Variants in TTN observed in about 807,000 individuals in gnomAD.
The protein encoded by TTN is connectin.
In TTN, 1,525 loss-of-function variants were observed where a neutral mutation model predicts 3,223.0. The observed-to-expected ratio is 0.47, with a 90% CI of 0.45 to 0.49. The LOEUF (loss-of-function observed/expected upper bound fraction) is 0.49. Ranked by LOEUF, TTN falls within the 20% of genes least tolerant of loss-of-function variation. The probability of loss-of-function intolerance (pLI) is 0.00; values close to 1 mark genes in which losing one functional copy is unlikely to be tolerated. For missense variants in TTN, 40,786 were observed against 43,424.0 expected (o/e 0.94, Z 5.40); for synonymous variants, 14,094 against 15,161.0 (o/e 0.93, Z 5.17).
intron 88 of TTN, among the ~76,000 whole-genome samples, chr2:178,716,084 G>GT (rs1560618933): frequency 6.6e-6 from 1 of 152,142 alleles, no homozygotes; most frequent in Non-Finnish European, 1.5e-5. Flanking sequence ...ATAATAGCAT[G>GT]TATCTGTCAG....
chr2:178,747,193 A>G, intron 47 of TTN: 1 of 1,597,062 alleles, frequency 6.3e-7, no homozygotes, highest in East Asian at 2.3e-5. Flanking sequence ...ATCTCTCTAG[A>G]GTCTCTCCTG....
At chr2:178,667,198 A>G in intron 162 of TTN, 38 bp downstream of exon 162, 1 of 1,507,520 alleles carries the variant, frequency 6.6e-7, no homozygotes, top group Non-Finnish European at 9.0e-7. Flanking sequence ...AAGACAGTAT[A>G]TTTTCTTCTT....
At position 178,702,086 on chromosome 2, in the gene TTN, T is replaced by G; in HGVS notation, c.30512-20A>C. On this transcript the variant is annotated intron_variant, in intron 108 of 362. Transcript: ENST00000589042. The stretch of plus-strand genomic sequence containing the variant: ...TGATTTCTGCAAAATAAAAAAAAAA[T>G]GATATTTTTGTGTTCAGAATGGTAT... 1 of 1,606,246 alleles carries G rather than the reference T, an allele frequency of 6.2e-7. No homozygotes were observed. Among genetic ancestry groups the G allele is most frequent in the Non-Finnish European group, 8.5e-7 (1 of 1,177,108 alleles).
intron 127 of TTN, among the ~76,000 whole-genome samples, chr2:178,687,854 A>G (rs2071311418): frequency 6.6e-6 from 1 of 152,190 alleles, no homozygotes. Context: ...GATTAATTAT[A>G]TATAAATATG....
chr2:178,681,265 A>G, intron 137 of TTN, 94 bp from the exon 138 acceptor site: 1 of 1,441,974 alleles, frequency 6.9e-7, no homozygotes. Context: ...AAGAATCAGG[A>G]CAAGAACATC....
rs587780495 is a variant in TTN, at chr2:178,539,459, C to T, written c.98606G>A (p.Arg32869His). 45 of 1,613,844 alleles carry T rather than the reference C, an allele frequency of 2.8e-5. No homozygotes were observed. Among genetic ancestry groups the T allele is most frequent in the Middle Eastern group, 3.3e-4 (2 of 6,058 alleles). The change falls in exon 352 of 363, where the codon CGT (arginine) becomes CAT (histidine). Residue 32869 changes from arginine (R) to histidine (H), a missense_variant. By Grantham distance (29) the Arg-to-His change is conservative. Coordinates refer to ENST00000589042, the MANE Select transcript of TTN (RefSeq NM_001267550.2). Reference protein sequence around the residue: ...GLKENVEYHFRVSAENQFGIS... With the variant: ...GLKENVEYHFHVSAENQFGIS... ...GCCAAACTGGTTTTCTGCTGAAACA[C>T]GGAAATGGTATTCTACATTCTCTTT...
At position 178,700,437 on chromosome 2, in the gene TTN, A is replaced by AT. The variant is rs149278641; in HGVS notation, c.30682+682dup. On this transcript the variant is annotated intron_variant, in intron 111 of 362. Coordinates refer to ENST00000589042, the MANE Select transcript of TTN (RefSeq NM_001267550.2). Reference sequence around the variant, plus strand: ...GAAAAATGTGATTTTGACATACAGAATTTTTTCTGACCATGCTGGGAGAAT... The same window carrying AT: ...GAAAAATGTGATTTTGACATACAGAATTTTTTTCTGACCATGCTGGGAGAAT... Among the ~76,000 whole-genome samples, 623 of 152,266 alleles carry AT rather than the reference A, an allele frequency of 4.1e-3. 3 individuals carry two copies. The highest frequency in any genetic ancestry group is 0.014 in the African/African-American group (594 of 41,560).
At position 178,618,564 on chromosome 2, in the gene TTN, TGA is replaced by T; in HGVS notation, c.46966+18_46966+19del. The T allele has an allele frequency of 6.2e-7, 1 of 1,608,562 alleles. No individual in the cohort carries two copies. Among genetic ancestry groups the T allele is most frequent in the Admixed American group, 1.7e-5 (1 of 58,924 alleles). On this transcript the variant is annotated intron_variant, in intron 251 of 362. Coordinates refer to ENST00000589042, the MANE Select transcript of TTN (RefSeq NM_001267550.2). ...TAAATTGTGCTTTGCCAATTAAGTCTGAGAGACCCAAGGGCTTACCAATAACT... is the reference window on the plus strand; with the variant it reads ...TAAATTGTGCTTTGCCAATTAAGTCTGAGACCCAAGGGCTTACCAATAACT...
intron 6 of TTN, 82 bp downstream of exon 6, chr2:178,799,405 C>A (rs1353483938): frequency 9.3e-6 from 15 of 1,605,570 alleles, no homozygotes; most frequent in Non-Finnish European, 1.2e-5. Flanking sequence ...GCATGCCCTG[C>A]GAGGGGGACA....
Position 178,620,470 on chromosome 2 carries a change from C to T in TTN, c.46051G>A (p.Val15351Ile). 4 of 1,612,412 alleles carry T rather than the reference C, an allele frequency of 2.5e-6. No homozygotes were observed. Among genetic ancestry groups the T allele is most frequent in the Non-Finnish European group, 2.5e-6 (3 of 1,178,972 alleles). ...VPFDNRVSYR[V>I]DKYKHMLTIK... ...GTTAACATGTGCTTGTACTTATCAA[C>T]TCTGTATGAGACACGGTTGTCAAAA... Residue 15351 changes from valine to isoleucine, a missense_variant, in exon 248 of 363, where the codon GTT becomes ATT. By Grantham distance (29) the Val-to-Ile change is conservative (BLOSUM62 3). Coordinates refer to ENST00000589042, the MANE Select transcript of TTN (RefSeq NM_001267550.2).
rs761837150 is a variant in TTN, at chr2:178,537,873, T to C, written c.99334A>G (p.Thr33112Ala). The C allele has an allele frequency of 6.2e-7, 1 of 1,613,268 alleles. No individual in the cohort carries two copies. The highest frequency in any genetic ancestry group is 1.1e-5 in the South Asian group (1 of 91,022). ...AGTTGAGCAGCTTCACCCAATTTTG[T>C]GGTAACATCCTTCATTTCTTTGCGT... ...GIRKEMKDVT[T>A]KLGEAAQLSC... Residue 33112 changes from threonine (T) to alanine (A), a missense_variant, in exon 355 of 363, where the codon ACA becomes GCA. Thr to Ala is a moderately conservative substitution (Grantham distance 58). Coordinates refer to ENST00000589042, the MANE Select transcript of TTN (RefSeq NM_001267550.2).
Position 178,617,467 on chromosome 2 carries a change from T to A in TTN, c.47618A>T (p.Gln15873Leu). Residue 15873 changes from glutamine (Q) to leucine (L), a missense_variant, in exon 254 of 363, where the codon CAG becomes CTG. By Grantham distance (113) the Gln-to-Leu change is moderately radical (BLOSUM62 -2). Coordinates refer to ENST00000589042, the MANE Select transcript of TTN (RefSeq NM_001267550.2). ...PVNLTSSDQTQSSVQLKWEPP... is the reference protein window; with the variant it reads ...PVNLTSSDQTLSSVQLKWEPP... The stretch of plus-strand genomic sequence containing the variant: ...TTCCCATTTGAGCTGAACTGATGAC[T>A]GAGTCTGATCTGAGGAAGTTAGGTT... 1 of 1,599,772 alleles carries A rather than the reference T, an allele frequency of 6.3e-7. No individual in the cohort carries two copies. Among genetic ancestry groups the A allele is most frequent in the Admixed American group, 1.8e-5 (1 of 56,586 alleles).
Position 178,769,869 on chromosome 2 carries a change from C to T in TTN, c.8712G>A (p.Glu2904=), listed in dbSNP as rs1227129225. The change falls in exon 37 of 363, where the codon GAG becomes GAA. Residue 2904 remains glutamate, a synonymous_variant. Coordinates refer to ENST00000589042, the MANE Select transcript of TTN (RefSeq NM_001267550.2). ...PETKTASFEC[E]VSHFNVPSMW... ...TGGAAGGGACATTGAAGTGGGACAC[C>T]TCACACTCAAAAGAGGCAGTTTTGG... 1.2e-6 allele frequency: 2 copies of T among 1,614,038 alleles called. No individual in the cohort carries two copies. The highest frequency in any genetic ancestry group is 2.2e-5 in the East Asian group (1 of 44,872).
chr2:178,553,853 T>G, intron 333 of TTN, 46 bp from the exon 334 acceptor site: 1 of 1,561,470 alleles, frequency 6.4e-7, no homozygotes, highest in Non-Finnish European at 8.7e-7. Flanking sequence ...TCATGTACAA[T>G]TTAGTCACAC....
intron 6 of TTN, among the ~76,000 whole-genome samples, chr2:178,796,330 T>G (rs982092774): frequency 8.5e-5 from 13 of 152,222 alleles, no homozygotes; most frequent in African/African-American, 2.9e-4. Context: ...TAAATGCATC[T>G]TGTCACTATC....
chr2:178,587,348 G>A lies in TTN; in HGVS notation c.63863C>T (p.Ala21288Val), dbSNP rs2049247544. The A allele has an allele frequency of 6.2e-7, 1 of 1,612,478 alleles. No individual in the cohort carries two copies. The highest frequency in any genetic ancestry group is 8.5e-7 in the Non-Finnish European group (1 of 1,179,274). ...VTKTSCHVSW[A>V]PPENDGGSQV... is the part of the protein sequence containing the mutation. Reference sequence around the variant, plus strand: ...GCTCCCACCGTCGTTTTCAGGAGGGGCCCAGGACACATGGCATGATGTTTT... The same window carrying A: ...GCTCCCACCGTCGTTTTCAGGAGGGACCCAGGACACATGGCATGATGTTTT... The change falls in exon 307 of 363, where the codon GCC becomes GTC. Residue 21288 changes from alanine (A) to valine (V), a missense_variant. Transcript: ENST00000589042.
rs765495409 is a variant in TTN at position 178,624,536 on chromosome 2, G to A, written c.44744C>T (p.Thr14915Ile). ...AGTGTATGTTTTAATATCCTCTGGGGTACAGTCATGTATAACAAGTTTTCT... is the reference window on the plus strand; with the variant it reads ...AGTGTATGTTTTAATATCCTCTGGGATACAGTCATGTATAACAAGTTTTCT... ...RVRKLVIHDC[T>I]PEDIKTYTCD... is the part of the protein sequence containing the mutation. The change falls in exon 242 of 363, where the codon ACC (threonine) becomes ATC (isoleucine). Residue 14915 changes from threonine (T) to isoleucine (I), a missense_variant. Coordinates refer to ENST00000589042, the MANE Select transcript of TTN (RefSeq NM_001267550.2). 9 of 1,612,580 alleles carry A rather than the reference G, an allele frequency of 5.6e-6. No homozygotes were observed. The highest frequency in any genetic ancestry group is 6.8e-6 in the Non-Finnish European group (8 of 1,179,190).
In TTN at chr2:178,636,159, T is replaced by C. The variant is rs72650079; in HGVS notation, c.41412A>G (p.Leu13804=). Residue 13804 remains leucine, a synonymous_variant, in exon 226 of 363, where the codon TTA becomes TTG. Coordinates refer to ENST00000589042, the MANE Select transcript of TTN (RefSeq NM_001267550.2). This position sits in a 1 kb window ranked among gnomAD's most constrained non-coding sequence, Gnocchi z 4.3. Reference sequence around the variant, plus strand: ...TCCAGACCACGTCACGCTCTTTGTTTAACTCGCAGCTCAAGTACAATGGCT... The same window carrying C: ...TCCAGACCACGTCACGCTCTTTGTTCAACTCGCAGCTCAAGTACAATGGCT... ...KGQPLYLSCE[L]NKERDVVWRK... 1.6e-5 allele frequency: 25 copies of C among 1,612,802 alleles called. No homozygotes were observed. The highest frequency in any genetic ancestry group is 1.9e-5 in the Non-Finnish European group (22 of 1,179,406).
rs1330716005 is a variant in TTN, at chr2:178,735,676, C to T, written c.14770G>A (p.Asp4924Asn). ...TTCCCTGGGGGGAGTTTTTGCCCATCTTTGCTCCACGTAACTGTGACTTTT... is the reference window on the plus strand; with the variant it reads ...TTCCCTGGGGGGAGTTTTTGCCCATTTTTGCTCCACGTAACTGTGACTTTT... ...DRKVTVTWSK[D>N]GQKLPPGKDY... is the part of the protein sequence containing the mutation. The change falls in exon 50 of 363, where the codon GAT becomes AAT. Residue 4924 changes from aspartate (D) to asparagine (N), a missense_variant. By Grantham distance (23) the Asp-to-Asn change is conservative. Coordinates refer to ENST00000589042, the MANE Select transcript of TTN (RefSeq NM_001267550.2). The T allele has an allele frequency of 6.2e-7, 1 of 1,613,690 alleles. No homozygotes were observed. Among genetic ancestry groups the T allele is most frequent in the Non-Finnish European group, 8.5e-7 (1 of 1,179,826 alleles).
Sources: allele counts gnomAD v4.1 joint callset (sites outside exome capture counted in the v4.1 genomes callset), GRCh38; gene constraint gnomAD v4.1.1; non-coding constraint Gnocchi (gnomAD v3.1); transcripts MANE v1.5; gene names NCBI Gene and HGNC (gene_info 2026-07-23, HGNC 2026-07-21).